RSPRY1: variants seen among roughly 807,000 people sequenced by gnomAD.
RSPRY1 encodes the protein RING finger and SPRY domain-containing protein 1.
Under a neutral mutation model 73.1 loss-of-function variants are expected in RSPRY1, and 23 were observed. The ratio of observed to expected loss-of-function variants is 0.31; its 90% CI spans 0.23 to 0.45. The LOEUF is 0.45. Among genes scored for constraint, RSPRY1 ranks in the 20% least tolerant of loss-of-function variants. The pLI is 1.00. For missense variants in RSPRY1, 448 were observed against 698.7 expected (o/e 0.64, Z 4.05); for synonymous variants, 226 against 251.4 (o/e 0.90, Z 0.95).
chr16:57,224,204 GC>G (rs1200978855), intron 10 of RSPRY1, among the ~76,000 whole-genome samples: 1 of 152,214 alleles, frequency 6.6e-6, no homozygotes, highest in East Asian at 1.9e-4. Context: ...AGCCACCATT[GC>G]TGCTGGAAAT....
At chr16:57,216,802 A>G (rs1177115662) in intron 7 of RSPRY1, 102 bp from the exon 8 acceptor site, 2 of 1,092,110 alleles carry the variant, frequency 1.8e-6, no homozygotes, top group African/African-American at 3.1e-5. Context: ...TCTAGTCTCC[A>G]ATTCTTTAAT....
intron 1 of RSPRY1, among the ~76,000 whole-genome samples, chr16:57,201,612 G>A (rs1466470684): frequency 1.4e-4 from 22 of 152,146 alleles, no homozygotes; most frequent in Non-Finnish European, 5.9e-5. Flanking sequence ...CAGGCAGCTG[G>A]GGAGGTGGAG....
At chr16:57,199,907 C>CT (rs2074533260) in intron 1 of RSPRY1, among the ~76,000 whole-genome samples, 1 of 75,232 alleles carries the variant, frequency 1.3e-5, no homozygotes, top group East Asian at 3.3e-4. Context: ...TTTTTTTTTT[C>CT]TTTTTCTTTT....
At position 57,213,112 on chromosome 16, in the gene RSPRY1, ACT is replaced by A; in HGVS notation, c.643+16_643+17del. 6.2e-7 allele frequency: 1 copy of A among 1,604,804 alleles called. No individual in the cohort carries two copies. Among genetic ancestry groups the A allele is most frequent in the African/African-American group, 1.3e-5 (1 of 74,530 alleles). On this transcript the variant is annotated intron_variant, in intron 5 of 14. Transcript: ENST00000394420. ...AGAAACTAGCAGGTAACTTTGGGAC[ACT>A]CCACAGTGGAAGATCTTAAGTTGTT...
In RSPRY1 at chr16:57,209,077, G is replaced by A. The variant is rs764258700; in HGVS notation, c.406G>A (p.Glu136Lys). Residue 136 changes from glutamate (E) to lysine (K), a missense_variant and splice_region_variant, in exon 4 of 15, where the codon GAA becomes AAA. By Grantham distance (56) the Glu-to-Lys change is moderately conservative (BLOSUM62 1). Coordinates refer to ENST00000394420, the MANE Select transcript of RSPRY1 (RefSeq NM_133368.3). ...TAATCTTCTTGATTTGCTCTTAGAT[G>A]AAGGATGGTTGGATGTTGTCCAGTC... ...ITLHEMAETD[E>K]GWLDVVQSLI... is the part of the protein sequence containing the mutation. 3.7e-6 allele frequency: 6 copies of A among 1,600,668 alleles called. No homozygotes were observed. The highest frequency in any genetic ancestry group is 3.4e-5 in the South Asian group (3 of 89,552).
intron 11 of RSPRY1, among the ~76,000 whole-genome samples, chr16:57,230,069 G>A (rs1303433045): frequency 7.5e-6 from 1 of 133,048 alleles, no homozygotes. Context: ...GGAGTGCAAT[G>A]GCATGATGTC....
intron 10 of RSPRY1, among the ~76,000 whole-genome samples, chr16:57,224,871 A>G (rs2075096224): frequency 1.3e-5 from 2 of 152,262 alleles, no homozygotes; most frequent in African/African-American, 4.8e-5. Flanking sequence ...GCTAGCTTCT[A>G]GGAATTTCTT....
intron 10 of RSPRY1, among the ~76,000 whole-genome samples, chr16:57,225,424 T>G (rs541518019): frequency 2.6e-5 from 4 of 152,346 alleles, no homozygotes; most frequent in African/African-American, 7.2e-5. Context: ...ATAGTGAATA[T>G]CAATAGCTAT....
intron 1 of RSPRY1, among the ~76,000 whole-genome samples, chr16:57,202,758 G>A (rs1460888623): frequency 6.6e-6 from 1 of 151,890 alleles, no homozygotes; most frequent in African/African-American, 2.4e-5. Context: ...TAGTGAAAAC[G>A]TCTGTTGCCT....
chr16:57,205,040 G>T, intron 2 of RSPRY1, 32 bp downstream of exon 2: 1 of 1,532,804 alleles, frequency 6.5e-7, no homozygotes, highest in South Asian at 1.2e-5. Flanking sequence ...ACCTCCAGTG[G>T]AATGAAAAGT....
intron 3 of RSPRY1, among the ~76,000 whole-genome samples, chr16:57,208,580 G>C (rs1222051651): frequency 6.6e-6 from 1 of 151,492 alleles, no homozygotes; most frequent in East Asian, 1.9e-4. Context: ...TCTGTTGTTT[G>C]TAGAGACAGA....
At position 57,231,122 on chromosome 16, in the gene RSPRY1, G is replaced by T. The variant is rs775175053; in HGVS notation, c.1377-45G>T. 1.9e-6 allele frequency: 3 copies of T among 1,570,226 alleles called. No homozygotes were observed. In the South Asian group the frequency reaches 3.4e-5, roughly 18 times the overall value. Reference sequence around the variant, plus strand: ...CTGTTCTATCTATTAACTCTATTTTGATTTTTATTAATTCTATTGGCCTCT... The same window carrying T: ...CTGTTCTATCTATTAACTCTATTTTTATTTTTATTAATTCTATTGGCCTCT... On this transcript the variant is annotated intron_variant, in intron 12 of 14. Transcript: ENST00000394420.
chr16:57,222,818 CTT>C (rs1383883210), intron 10 of RSPRY1, among the ~76,000 whole-genome samples: 1 of 152,088 alleles, frequency 6.6e-6, no homozygotes, highest in Non-Finnish European at 1.5e-5. Flanking sequence ...CGATATAAAA[CTT>C]GTCTCTCCTG....
intron 1 of RSPRY1, among the ~76,000 whole-genome samples, chr16:57,188,719 T>C (rs2074296714): frequency 6.6e-6 from 1 of 152,168 alleles, no homozygotes; most frequent in Middle Eastern, 3.2e-3. Context: ...TTTCTCCGTG[T>C]TGGTCAGGCT....
In RSPRY1 at chr16:57,219,016, G is replaced by A. The variant is rs944388553; in HGVS notation, c.902-1716G>A. Reference sequence around the variant, plus strand: ...CTCCCAAAGTGCTGGGATTACAGGCGTGAGCCACCGCGCCCGGCCACATTT... The same window carrying A: ...CTCCCAAAGTGCTGGGATTACAGGCATGAGCCACCGCGCCCGGCCACATTT... On this transcript the variant is annotated intron_variant, in intron 8 of 14. Coordinates refer to ENST00000394420, the MANE Select transcript of RSPRY1 (RefSeq NM_133368.3). Among the ~76,000 whole-genome samples, 2 of 122,920 alleles carry A rather than the reference G, an allele frequency of 1.6e-5. 1 individual carries two copies. The highest frequency in any genetic ancestry group is 6.6e-5 in the African/African-American group (2 of 30,086). The allele number at this position is 122,920 out of a possible 152,430, so 80.6% of individuals were successfully genotyped here.
At chr16:57,199,816 C>CA (rs1471008242) in intron 1 of RSPRY1, among the ~76,000 whole-genome samples, 1 of 146,348 alleles carries the variant, frequency 6.8e-6, no homozygotes, top group African/African-American at 2.5e-5. Flanking sequence ...AATATTCTAA[C>CA]AGCGCCTTAT....
At chr16:57,220,614 C>A in intron 8 of RSPRY1, 118 bp from the exon 9 acceptor site, 1 of 539,974 alleles carries the variant, frequency 1.9e-6, no homozygotes, top group Non-Finnish European at 3.4e-6. Context: ...TGACTTCTTC[C>A]TTTCCATTTT....
intron 12 of RSPRY1, 86 bp from the exon 13 acceptor site, chr16:57,231,081 C>A: frequency 7.7e-7 from 1 of 1,302,630 alleles, no homozygotes. Flanking sequence ...ATTGACTCAC[C>A]CTGCCTTTCT....
chr16:57,186,762 G>C (rs16967444), intron 1 of RSPRY1: 4,906 of 146,060 alleles, frequency 0.034, 251 homozygotes, highest in East Asian at 0.21. Context: ...CCCTTCTGAG[G>C]AGGCTGCGGC....
Sources: allele counts gnomAD v4.1 joint callset (sites outside exome capture counted in the v4.1 genomes callset), GRCh38; gene constraint gnomAD v4.1.1; transcripts MANE v1.5; gene names NCBI Gene and HGNC (gene_info 2026-07-23, HGNC 2026-07-21).